SLC24A2: variants seen among roughly 807,000 people sequenced by gnomAD.
The protein encoded by SLC24A2 is sodium/potassium/calcium exchanger 2.
SLC24A2 carries 36 observed loss-of-function variants against 62.0 expected under a neutral mutation model. That is an observed-to-expected ratio of 0.58 (90% CI 0.44 to 0.77). The LOEUF (loss-of-function observed/expected upper bound fraction) is 0.77, where lower values mean the gene tolerates loss of function less well. Ranked by LOEUF, SLC24A2 falls within the 30% of genes least tolerant of loss-of-function variation. SLC24A2 has a pLI of 0.00. For synonymous variants in SLC24A2, 358 were observed against 294.0 expected, an observed-to-expected ratio of 1.22 and a Z score of -2.23; for missense variants, 846 against 817.9, an observed-to-expected ratio of 1.03 and a Z score of -0.42.
intron 2 of SLC24A2, among the ~76,000 whole-genome samples, chr9:19,636,332 T>C (rs1320242597): frequency 1.3e-4 from 4 of 30,044 alleles, no homozygotes; most frequent in African/African-American, 5.5e-4. Context: ...TCTTTCTTTC[T>C]TTCTTTCTTT....
the SLC24A2 span, among the ~76,000 whole-genome samples, chr9:20,044,101 A>T: frequency 4.6e-5 from 7 of 151,130 alleles, no homozygotes; most frequent in Admixed American, 2.0e-4. Flanking sequence ...CTGAAGGCTT[A>T]GATGATCACT....
chr9:20,034,368 T>A, the SLC24A2 span, among the ~76,000 whole-genome samples: 2 of 152,088 alleles, frequency 1.3e-5, no homozygotes, highest in Non-Finnish European at 2.9e-5. Flanking sequence ...TACTTTTGCC[T>A]TCATTTCCTT....
At chr9:20,295,872 C>T in the SLC24A2 span, among the ~76,000 whole-genome samples, 2 of 152,276 alleles carry the variant, frequency 1.3e-5, no homozygotes, top group East Asian at 1.9e-4. Context: ...TCCATAACTG[C>T]GTGAGACAAT....
chr9:20,204,383 T>C, the SLC24A2 span, among the ~76,000 whole-genome samples: 1 of 152,232 alleles, frequency 6.6e-6, no homozygotes, highest in Non-Finnish European at 1.5e-5. Flanking sequence ...AACAGAAGAA[T>C]CTACAAGCAT....
the SLC24A2 span, among the ~76,000 whole-genome samples, chr9:20,288,953 C>T: frequency 0.16 from 24,153 of 151,794 alleles, 2,541 homozygotes; most frequent in East Asian, 0.28. Flanking sequence ...AACTGACAGC[C>T]GGCATCAACC....
At chr9:19,763,321 C>T (rs1233632639) in intron 2 of SLC24A2, among the ~76,000 whole-genome samples, 3 of 152,196 alleles carry the variant, frequency 2.0e-5, no homozygotes, top group Non-Finnish European at 4.4e-5. Flanking sequence ...TTTCTCTTGC[C>T]TAATTGCCCT....
At chr9:19,581,175 G>A (rs1836198480) in intron 5 of SLC24A2, among the ~76,000 whole-genome samples, 3 of 152,172 alleles carry the variant, frequency 2.0e-5, no homozygotes, top group African/African-American at 7.2e-5. Flanking sequence ...AGCATACAGG[G>A]CCTTGTTGGA....
At chr9:20,284,055 A>G in the SLC24A2 span, among the ~76,000 whole-genome samples, 1 of 150,620 alleles carries the variant, frequency 6.6e-6, no homozygotes, top group Non-Finnish European at 1.5e-5. Flanking sequence ...CAGTGGCTTG[A>G]CTCTCCGTGG....
chr9:19,970,598 C>T, the SLC24A2 span, among the ~76,000 whole-genome samples: 52 of 152,072 alleles, frequency 3.4e-4, no homozygotes, highest in East Asian at 1.2e-3. Context: ...AGTATTATTC[C>T]TTGGATGTTA....
At chr9:20,118,937 A>T in the SLC24A2 span, among the ~76,000 whole-genome samples, 2 of 152,096 alleles carry the variant, frequency 1.3e-5, no homozygotes, top group Non-Finnish European at 2.9e-5. Flanking sequence ...ATTTCATCAC[A>T]TTATTTAAGA....
chr9:19,869,874 A>G, the SLC24A2 span, among the ~76,000 whole-genome samples: 1 of 152,194 alleles, frequency 6.6e-6, no homozygotes, highest in African/African-American at 2.4e-5. Context: ...CATTCAAGCT[A>G]CTGTCTGGTG....
At chr9:19,909,822 G>C in the SLC24A2 span, among the ~76,000 whole-genome samples, 4 of 152,026 alleles carry the variant, frequency 2.6e-5, no homozygotes, top group Non-Finnish European at 5.9e-5. Context: ...ATGCCAGAGT[G>C]GTGTATATTG....
At chr9:20,160,273 AC>A in the SLC24A2 span, among the ~76,000 whole-genome samples, 2 of 151,492 alleles carry the variant, frequency 1.3e-5, no homozygotes, top group African/African-American at 4.8e-5. Flanking sequence ...CCCAAATGAC[AC>A]TGTAAACACC....
the SLC24A2 span, among the ~76,000 whole-genome samples, chr9:19,961,140 GGAGAGAGAGAGA>G: frequency 1.4e-5 from 2 of 138,484 alleles, no homozygotes; most frequent in African/African-American, 2.6e-5. Flanking sequence ...AGAAGAAAGG[GGAGAGAGAGAGA>G]GAGAGAGAGA....
At chr9:20,016,702 G>C in the SLC24A2 span, among the ~76,000 whole-genome samples, 6 of 152,108 alleles carry the variant, frequency 3.9e-5, no homozygotes, top group Non-Finnish European at 5.9e-5. Context: ...TTTGTTGACA[G>C]CAAGTATAAT....
chr9:20,292,165 G>A, the SLC24A2 span, among the ~76,000 whole-genome samples: 6 of 152,202 alleles, frequency 3.9e-5, no homozygotes, highest in Non-Finnish European at 8.8e-5. Flanking sequence ...AAAACGACTT[G>A]CTTGTGCAGG....
the SLC24A2 span, among the ~76,000 whole-genome samples, chr9:20,036,728 T>C: frequency 1.3e-5 from 2 of 152,176 alleles, no homozygotes. Context: ...TCGGTATCCC[T>C]GGGGGATCAG....
At chr9:20,135,846 G>T in the SLC24A2 span, among the ~76,000 whole-genome samples, 3 of 151,984 alleles carry the variant, frequency 2.0e-5, no homozygotes, top group African/African-American at 7.2e-5. Flanking sequence ...CTTTTCCAAA[G>T]ACAAGACACA....
intron 2 of SLC24A2, among the ~76,000 whole-genome samples, chr9:19,639,554 C>T (rs952647348): frequency 1.3e-5 from 2 of 152,222 alleles, no homozygotes; most frequent in African/African-American, 4.8e-5. Context: ...TACAACTAAA[C>T]AGGGAGGCAG....
Sources: allele counts gnomAD v4.1 joint callset (sites outside exome capture counted in the v4.1 genomes callset), GRCh38; gene constraint gnomAD v4.1.1; transcripts MANE v1.5; gene names NCBI Gene and HGNC (gene_info 2026-07-23, HGNC 2026-07-21).